Variants in PCCA observed in about 807,000 individuals in gnomAD.
PCCA encodes the protein propionyl-CoA carboxylase subunit alpha.
PCCA carries 74 observed loss-of-function variants against 101.3 expected under a neutral mutation model. The ratio of observed to expected loss-of-function variants is 0.73; its 90% CI spans 0.61 to 0.89. PCCA has a LOEUF of 0.89. Ranked by LOEUF, PCCA falls within the 40% of genes least tolerant of loss-of-function variation. The probability of loss-of-function intolerance (pLI) is 0.00; values close to 1 mark genes in which losing one functional copy is unlikely to be tolerated. For synonymous variants in PCCA, 294 were observed against 313.6 expected (o/e 0.94, Z 0.66); for missense variants, 891 against 907.0 (o/e 0.98, Z 0.23).
chr13:100,442,872 T>C (rs2080482485), intron 20 of PCCA, among the ~76,000 whole-genome samples: 1 of 151,972 alleles, frequency 6.6e-6, no homozygotes, highest in Admixed American at 6.6e-5. Context: ...AAGTCCCAGG[T>C]AGCAGAAGGG....
intron 21 of PCCA, among the ~76,000 whole-genome samples, chr13:100,458,422 C>T (rs111706093): frequency 1.0e-4 from 11 of 105,780 alleles, no homozygotes; most frequent in Non-Finnish European, 1.2e-4. Context: ...CATCTCTGCG[C>T]GCACACACAC....
intron 18 of PCCA, among the ~76,000 whole-genome samples, chr13:100,348,827 T>C (rs2072822120): frequency 7.0e-6 from 1 of 143,256 alleles, no homozygotes; most frequent in African/African-American, 2.5e-5. Flanking sequence ...TTTCTTTCTT[T>C]TCTCTCTCTT....
intron 6 of PCCA, among the ~76,000 whole-genome samples, chr13:100,189,521 C>T (rs775607658): frequency 1.3e-5 from 2 of 152,110 alleles, no homozygotes; most frequent in African/African-American, 2.4e-5. Flanking sequence ...GTTTAGATTG[C>T]GAAGGTTTTC....
At chr13:100,219,400 C>A (rs978953974) in intron 7 of PCCA, among the ~76,000 whole-genome samples, 3 of 152,004 alleles carry the variant, frequency 2.0e-5, no homozygotes, top group Non-Finnish European at 4.4e-5. Context: ...AAGGAAGAGA[C>A]CATCAGGAGA....
intron 18 of PCCA, among the ~76,000 whole-genome samples, chr13:100,356,994 G>A (rs1229698581): frequency 1.3e-5 from 2 of 152,132 alleles, no homozygotes; most frequent in Admixed American, 6.6e-5. Context: ...CCCAGAATAA[G>A]CAAAGCTATA....
intron 16 of PCCA, among the ~76,000 whole-genome samples, chr13:100,310,715 A>C (rs1235910431): frequency 6.6e-6 from 1 of 152,190 alleles, no homozygotes; most frequent in Non-Finnish European, 1.5e-5. Context: ...CTATATATGT[A>C]TATATAGGTT....
intron 7 of PCCA, among the ~76,000 whole-genome samples, chr13:100,224,716 T>C (rs1204082899): frequency 6.6e-6 from 1 of 152,218 alleles, no homozygotes; most frequent in Non-Finnish European, 1.5e-5. Flanking sequence ...TTAGGTATCA[T>C]TGCAGATTTT....
intron 20 of PCCA, among the ~76,000 whole-genome samples, chr13:100,443,301 A>T (rs987112727): frequency 6.6e-6 from 1 of 152,030 alleles, no homozygotes. Context: ...TAATTTTTTT[A>T]AAAATTGGCT....
intron 21 of PCCA, among the ~76,000 whole-genome samples, chr13:100,514,884 T>C (rs1330266081): frequency 6.6e-6 from 1 of 152,256 alleles, no homozygotes; most frequent in African/African-American, 2.4e-5. Flanking sequence ...TATAACATTT[T>C]CTGTCACTGA....
intron 22 of PCCA, among the ~76,000 whole-genome samples, chr13:100,521,650 C>G (rs2087305516): frequency 6.6e-6 from 1 of 150,704 alleles, no homozygotes; most frequent in Non-Finnish European, 1.5e-5. Context: ...TGCGAGCAGG[C>G]AGTGCCTTTT....
intron 7 of PCCA, among the ~76,000 whole-genome samples, chr13:100,216,898 C>T (rs2059553275): frequency 6.6e-6 from 1 of 151,172 alleles, no homozygotes; most frequent in Non-Finnish European, 1.5e-5. Context: ...CACCTGAGGT[C>T]AGGAGTTCAA....
In PCCA at chr13:100,420,780, G is replaced by A. The variant is rs1271626292; in HGVS notation, c.1747-4853G>A. ...TCTACAACCAGAGAAATAGAAATTA[G>A]TATCCACCTGTTAACTCAAATGCAG... On this transcript the variant is annotated intron_variant, in intron 19 of 23. Transcript: ENST00000376285. Among the ~76,000 whole-genome samples, 3 of 152,092 alleles carry A rather than the reference G, an allele frequency of 2.0e-5. No individual in the cohort carries two copies. The East Asian group carries it at 5.8e-4, about 29-fold the overall frequency.
At chr13:100,354,191 G>T (rs1390586309) in intron 18 of PCCA, among the ~76,000 whole-genome samples, 2 of 150,586 alleles carry the variant, frequency 1.3e-5, no homozygotes, top group Non-Finnish European at 3.0e-5. Context: ...TGGGAGGATC[G>T]GTTGAGCCCA....
chr13:100,511,257 C>G (rs576433397), intron 21 of PCCA, among the ~76,000 whole-genome samples: 1 of 152,262 alleles, frequency 6.6e-6, no homozygotes, highest in African/African-American at 2.4e-5. Context: ...TTCGCGCTTT[C>G]CATCACTTTA....
At chr13:100,463,278 T>C (rs2152944689) in intron 21 of PCCA, among the ~76,000 whole-genome samples, 1 of 151,682 alleles carries the variant, frequency 6.6e-6, no homozygotes, top group South Asian at 2.1e-4. Flanking sequence ...TGAGGTTCAT[T>C]GAAGGAGTTG....
chr13:100,497,063 A>G (rs1413774691), intron 21 of PCCA, among the ~76,000 whole-genome samples: 3 of 152,202 alleles, frequency 2.0e-5, no homozygotes, highest in East Asian at 1.9e-4. Context: ...CAAAAGCTCT[A>G]GGGTCTCTTT....
chr13:100,348,818 T>TCC (rs201132061), intron 18 of PCCA, among the ~76,000 whole-genome samples: 1,406 of 69,550 alleles, frequency 0.02, 92 homozygotes, highest in Middle Eastern at 0.023. Flanking sequence ...CTTCCTTCCT[T>TCC]TCTTTCTTTT....
rs530945778 is a variant in PCCA at position 100,449,262 on chromosome 13, G to C, written c.1856G>C (p.Arg619Pro). Residue 619 changes from arginine (R) to proline (P), a missense_variant, in exon 21 of 24, where the codon CGA (arginine) becomes CCA (proline). Coordinates refer to ENST00000376285, the MANE Select transcript of PCCA (RefSeq NM_000282.4). ...TTGTTTGTTTTTTAGTGTCTTTCTC[G>C]AGAAGCAGGTGGAAACATGAGCATT... ...GTQRTVQCLSREAGGNMSIQF... is the reference protein window; with the variant it reads ...GTQRTVQCLSPEAGGNMSIQF... 5.2e-6 allele frequency: 8 copies of C among 1,538,588 alleles called. No homozygotes were observed. The Admixed American group carries it at 1.6e-4, about 30-fold the overall frequency.
intron 2 of PCCA, among the ~76,000 whole-genome samples, chr13:100,104,978 C>T (rs141945251): frequency 3.0e-4 from 45 of 152,244 alleles, no homozygotes; most frequent in African/African-American, 1.1e-3. Context: ...GTTGGGATTA[C>T]AGGCATGAGC....
Sources: gnomAD v4.1 joint callset for allele counts (sites outside exome capture counted in the v4.1 genomes callset) on GRCh38, gnomAD v4.1.1 for gene constraint, MANE v1.5 for transcripts, NCBI Gene and HGNC (gene_info 2026-07-23, HGNC 2026-07-21) for gene names.